The following TBC1D10A variants were observed in gnomAD, a reference collection of about 807,000 sequenced individuals.
TBC1D10A encodes EBP50-PDX interactor of 64 kDa.
Under a neutral mutation model 52.9 loss-of-function variants are expected in TBC1D10A, and 24 were observed. That is an observed-to-expected ratio of 0.45 (90% CI 0.33 to 0.64). The LOEUF (loss-of-function observed/expected upper bound fraction) is 0.64, where lower values mean the gene tolerates loss of function less well. Among genes scored for constraint, TBC1D10A ranks in the 30% least tolerant of loss-of-function variants. The probability of loss-of-function intolerance (pLI) is 0.02; values close to 1 mark genes in which losing one functional copy is unlikely to be tolerated. For missense variants in TBC1D10A, 602 were observed against 687.9 expected (o/e 0.88, Z 1.40); for synonymous variants, 278 against 282.9 (o/e 0.98, Z 0.17).
Position 30,292,637 on chromosome 22 carries a change from T to G in TBC1D10A, c.1265A>C (p.Lys422Thr), listed in dbSNP as rs1217942508. 1 of 1,612,606 alleles carries G rather than the reference T, an allele frequency of 6.2e-7. No individual in the cohort carries two copies. Among genetic ancestry groups the G allele is most frequent in the African/African-American group, 1.3e-5 (1 of 74,948 alleles). The change falls in exon 9 of 9, where the codon AAA becomes ACA. Residue 422 changes from lysine to threonine, a missense_variant. By Grantham distance (78) the Lys-to-Thr change is moderately conservative. Coordinates refer to ENST00000215790, the MANE Select transcript of TBC1D10A (RefSeq NM_031937.3). The stretch of plus-strand genomic sequence containing the variant: ...CTGCTTGGGTGGCTTGGGCTTGGCT[T>G]TGGAGCCAGGGAGGGGGGCATCTAG... ...LPLDAPLPGSKAKPKPPKQAQ... is the reference protein window; with the variant it reads ...LPLDAPLPGSTAKPKPPKQAQ...
chr22:30,295,850 G>C lies in TBC1D10A; in HGVS notation c.418-7C>G. ...CAGGGGACATGTCCAGCTCCTAGAA[G>C]CAAGGGCACAAATTAGGGGCTGGGG... On this transcript the variant is annotated splice_polypyrimidine_tract_variant and splice_region_variant and intron_variant, in intron 3 of 8. Coordinates refer to ENST00000215790, the MANE Select transcript of TBC1D10A (RefSeq NM_031937.3). The C allele has an allele frequency of 6.2e-7, 1 of 1,610,942 alleles. No homozygotes were observed. Among genetic ancestry groups the C allele is most frequent in the Admixed American group, 1.7e-5 (1 of 59,940 alleles).
At chr22:30,323,241 A>G (rs912066602) in intron 1 of TBC1D10A, among the ~76,000 whole-genome samples, 1 of 152,132 alleles carries the variant, frequency 6.6e-6, no homozygotes, top group Non-Finnish European at 1.5e-5. Context: ...CTCCCCGCAA[A>G]TAAGTATTAA....
At chr22:30,303,005 G>A (rs983983057) in intron 2 of TBC1D10A, among the ~76,000 whole-genome samples, 1 of 152,268 alleles carries the variant, frequency 6.6e-6, no homozygotes, top group African/African-American at 2.4e-5. Context: ...GATAGGCTGG[G>A]TGCAGTGGCT....
Position 30,314,896 on chromosome 22 carries a change from T to A in TBC1D10A, c.210-10266A>T, listed in dbSNP as rs146938063. Among the ~76,000 whole-genome samples, 636 of 150,438 alleles carry A rather than the reference T, an allele frequency of 4.2e-3. 4 individuals are homozygous for A. The highest frequency in any genetic ancestry group is 7.4e-3 in the Non-Finnish European group (503 of 67,740). ...GGGTGGTGGTAATTATTAAGCAAAC[T>A]CAGACTCCTTCCCCAAGTGACTACC... On this transcript the variant is annotated intron_variant, in intron 1 of 8. Transcript: ENST00000215790.
At position 30,299,453 on chromosome 22, in the gene TBC1D10A, T is replaced by A; in HGVS notation, c.408A>T (p.Gly136=). The A allele has an allele frequency of 6.2e-7, 1 of 1,614,044 alleles. No homozygotes were observed. Among genetic ancestry groups the A allele is most frequent in the Non-Finnish European group, 8.5e-7 (1 of 1,179,950 alleles). Residue 136 remains glycine, a synonymous_variant, in exon 3 of 9, where the codon GGA becomes GGT. Transcript: ENST00000215790. The part of the protein sequence containing the change: ...GGKVKLQQNP[G]KFDELDMSPG... The stretch of plus-strand genomic sequence containing the variant: ...AGGAAGGGAAACTTACGTCAAACTT[T>A]CCAGGGTTCTGCTGTAACTTCACCT...
intron 8 of TBC1D10A, 56 bp from the exon 9 acceptor site, chr22:30,292,907 T>G (rs1929983217): frequency 6.3e-7 from 1 of 1,587,622 alleles, no homozygotes; most frequent in Non-Finnish European, 8.6e-7. Context: ...CTTCCCCTTC[T>G]GCCTCCCAGC....
chr22:30,293,881 G>A (rs1460560459), intron 7 of TBC1D10A, 40 bp downstream of exon 7: 1 of 1,604,058 alleles, frequency 6.2e-7, no homozygotes, highest in Admixed American at 1.7e-5. Context: ...ACTGTGGGCT[G>A]CTGGGGACAG....
intron 1 of TBC1D10A, among the ~76,000 whole-genome samples, chr22:30,315,779 G>A (rs1399275171): frequency 6.6e-6 from 1 of 152,226 alleles, no homozygotes; most frequent in Non-Finnish European, 1.5e-5. Context: ...GAGGAGCTGT[G>A]TGTGGAGTCC....
At chr22:30,304,278 C>T (rs1447670283) in intron 2 of TBC1D10A, among the ~76,000 whole-genome samples, 1 of 152,190 alleles carries the variant, frequency 6.6e-6, no homozygotes, top group Non-Finnish European at 1.5e-5. Context: ...TGTGTTATGG[C>T]TGTTGGCTAA....
At chr22:30,308,308 CTGCCTGCATGCCTGCATGCCTGCA>C (rs1239291146) in intron 1 of TBC1D10A, among the ~76,000 whole-genome samples, 2 of 81,674 alleles carry the variant, frequency 2.4e-5, no homozygotes, top group African/African-American at 4.6e-5. Flanking sequence ...GCATGCCTGC[CTGCCTGCATGCCTGCATGCCTGCA>C]TGCCTGCCTG....
At chr22:30,326,483 C>T (rs922717767) in intron 1 of TBC1D10A, among the ~76,000 whole-genome samples, 190 bp downstream of exon 1, 1 of 111,674 alleles carries the variant, frequency 9.0e-6, no homozygotes, top group Non-Finnish European at 1.8e-5. Context: ...CCCCCTGGGT[C>T]GGAAGTAGGA....
chr22:30,323,589 T>A (rs566808184), intron 1 of TBC1D10A, among the ~76,000 whole-genome samples: 1 of 152,332 alleles, frequency 6.6e-6, no homozygotes, highest in Admixed American at 6.5e-5. Context: ...ACTAATATGC[T>A]GTGATCTTAA....
chr22:30,295,096 T>C (rs760126099), intron 4 of TBC1D10A, 41 bp from the exon 5 acceptor site: 9 of 1,596,172 alleles, frequency 5.6e-6, no homozygotes, highest in Non-Finnish European at 7.7e-6. Context: ...CCGGGGTGAC[T>C]CTGCTACCCA....
chr22:30,322,558 TG>T (rs1186164612), intron 1 of TBC1D10A, among the ~76,000 whole-genome samples: 1 of 149,894 alleles, frequency 6.7e-6, no homozygotes, highest in African/African-American at 2.5e-5. Context: ...TTTATCCATC[TG>T]TATGCTGATG....
At chr22:30,304,698 C>T (rs781283592) in intron 1 of TBC1D10A, 68 bp from the exon 2 acceptor site, 2 of 1,579,196 alleles carry the variant, frequency 1.3e-6, no homozygotes, top group Non-Finnish European at 1.7e-6. Context: ...TCATTCCCAG[C>T]CGCCAGCCTG....
chr22:30,306,573 C>G (rs1269079720), intron 1 of TBC1D10A, among the ~76,000 whole-genome samples: 1 of 152,210 alleles, frequency 6.6e-6, no homozygotes, highest in Non-Finnish European at 1.5e-5. Flanking sequence ...TAAGACACCA[C>G]TGATTTTAAG....
rs370312386 is a variant in TBC1D10A, at chr22:30,326,782, T to C, written c.100A>G (p.Thr34Ala). 2.2e-5 allele frequency: 33 copies of C among 1,505,374 alleles called. No individual in the cohort carries two copies. Among genetic ancestry groups the C allele is most frequent in the Non-Finnish European group, 2.8e-5 (32 of 1,125,542 alleles). The allele number at this position is 1,505,374 out of a possible 1,614,324, so 93.3% of individuals were successfully genotyped here. A position where few individuals can be genotyped will look rare whatever the true frequency, so the allele number is the denominator to read the frequency against. Reference protein sequence around the residue: ...ESLAQGPDAATTDELSSLGSD... With the variant: ...ESLAQGPDAAATDELSSLGSD... Reference sequence around the variant, plus strand: ...CCGAGAGAGCTGAGTTCGTCGGTGGTTGCGGCGTCGGGGCCCTGGGCCAGG... The same window carrying C: ...CCGAGAGAGCTGAGTTCGTCGGTGGCTGCGGCGTCGGGGCCCTGGGCCAGG... The change falls in exon 1 of 9, where the codon ACC (threonine) becomes GCC (alanine). Residue 34 changes from threonine to alanine, a missense_variant. Around this residue, in one of 3 missense-constraint regions of TBC1D10A, gnomAD observed 201 missense variants for 204.4 expected, o/e 0.98. Transcript: ENST00000215790.
chr22:30,299,560 CA>C lies in TBC1D10A; in HGVS notation c.310-10del, dbSNP rs759095443. 2 of 1,613,760 alleles carry C rather than the reference CA, an allele frequency of 1.2e-6. No homozygotes were observed. Among genetic ancestry groups the C allele is most frequent in the Admixed American group, 1.7e-5 (1 of 60,002 alleles). On this transcript the variant is annotated splice_polypyrimidine_tract_variant and intron_variant, in intron 2 of 8. Coordinates refer to ENST00000215790, the MANE Select transcript of TBC1D10A (RefSeq NM_031937.3). ...TGGCACCGCAGACGAATCTGAAAAT[CA>C]AAAGGACAGCTGAGCCCATGCAGCC...
chr22:30,304,460 A>G, intron 2 of TBC1D10A, 71 bp downstream of exon 2: 1 of 1,602,832 alleles, frequency 6.2e-7, no homozygotes, highest in Non-Finnish European at 8.5e-7. Flanking sequence ...AAGCTGATGA[A>G]GTTCCTCCCT....
Sources: gnomAD v4.1 joint callset for allele counts (sites outside exome capture counted in the v4.1 genomes callset) on GRCh38, gnomAD v4.1.1 for gene constraint, gnomAD v4.1.1 regional missense constraint, MANE v1.5 for transcripts, NCBI Gene and HGNC (gene_info 2026-07-23, HGNC 2026-07-21) for gene names.